Variants in SMG5 observed in about 807,000 individuals in gnomAD.
The protein encoded by SMG5 is SMG5 nonsense mediated mRNA decay factor, also known as nonsense-mediated mRNA decay factor SMG5.
In SMG5, 53 loss-of-function variants were observed where a neutral mutation model predicts 122.9. The ratio of observed to expected loss-of-function variants is 0.43; its 90% CI spans 0.35 to 0.54. The LOEUF (loss-of-function observed/expected upper bound fraction) is 0.54, where lower values mean the gene tolerates loss of function less well. SMG5 is among the 20% of genes least tolerant of loss of function. The probability of loss-of-function intolerance (pLI) is 0.01; values close to 1 mark genes in which losing one functional copy is unlikely to be tolerated. For synonymous variants in SMG5, 477 were observed against 490.2 expected (o/e 0.97, Z 0.35); for missense variants, 1,153 against 1,285.6 (o/e 0.90, Z 1.58).
Position 156,263,425 on chromosome 1 carries a change from G to A in SMG5, c.2001C>T (p.Thr667=), listed in dbSNP as rs1343559606. 5.0e-6 allele frequency: 8 copies of A among 1,614,062 alleles called. No individual in the cohort carries two copies. The South Asian group carries it at 7.7e-5, about 16-fold the overall frequency. ...CACACACGATGATGAGGTCGGGGTT[G>A]GTCCGAAGCCAGTCCAGGAAGACTT... ...AVKVFLDWLR[T]NPDLIIVCAQ... Residue 667 remains threonine (T), a synonymous_variant, in exon 13 of 22, where the codon ACC becomes ACT. Coordinates refer to ENST00000361813, the MANE Select transcript of SMG5 (RefSeq NM_015327.3).
upstream of SMG5, chr1:156,286,603 G>A: frequency 1.1e-6 from 1 of 886,588 alleles, no homozygotes; most frequent in Non-Finnish European, 1.7e-6. Flanking sequence ...GCCCTGGGGA[G>A]ATAAGTCCAC....
At chr1:156,254,567 C>G (rs1024266998) in intron 16 of SMG5, among the ~76,000 whole-genome samples, 2 of 152,164 alleles carry the variant, frequency 1.3e-5, no homozygotes, top group East Asian at 1.9e-4. Flanking sequence ...CCTCAGCCCC[C>G]CAACTAGCTG....
At position 156,267,683 on chromosome 1, in the gene SMG5, A is replaced by G. The variant is rs1479195291; in HGVS notation, c.909-5T>C. The G allele has an allele frequency of 6.2e-7, 1 of 1,604,630 alleles. No individual in the cohort carries two copies. The highest frequency in any genetic ancestry group is 8.5e-7 in the Non-Finnish European group (1 of 1,175,926). On this transcript the variant is annotated splice_polypyrimidine_tract_variant and splice_region_variant and intron_variant, in intron 9 of 21. Coordinates refer to ENST00000361813, the MANE Select transcript of SMG5 (RefSeq NM_015327.3). Reference sequence around the variant, plus strand: ...GTCAGCTCTGAGTCCACGGAGCTACAGAGGGGCAGGAGTAACAGGGGAGGT... The same window carrying G: ...GTCAGCTCTGAGTCCACGGAGCTACGGAGGGGCAGGAGTAACAGGGGAGGT...
chr1:156,286,450 C>T, upstream of SMG5: 10 of 1,614,192 alleles, frequency 6.2e-6, no homozygotes, highest in Non-Finnish European at 8.5e-6. Context: ...TCCCTCTGCT[C>T]ACTGGTCTCT....
In SMG5 at chr1:156,277,949, G is replaced by C; in HGVS notation, c.273C>G (p.Ile91Met). The C allele has an allele frequency of 6.2e-7, 1 of 1,614,020 alleles. No homozygotes were observed. The highest frequency in any genetic ancestry group is 8.5e-7 in the Non-Finnish European group (1 of 1,179,964). ...LLWRKVYYEV[I>M]QLIKTNKKHI... ...CCTTTTTGTTAGTCTTGATAAGCTG[G>C]ATAACTTCATAGTATACCTTTCTCC... Residue 91 changes from isoleucine (I) to methionine (M), a missense_variant, in exon 3 of 22, where the codon ATC becomes ATG. Around this residue, in one of 5 missense-constraint regions of SMG5, gnomAD observed 213 missense variants for 197.5 expected, o/e 1.08. Coordinates refer to ENST00000361813, the MANE Select transcript of SMG5 (RefSeq NM_015327.3).
intron 3 of SMG5, 114 bp from the exon 4 acceptor site, chr1:156,277,355 A>C: frequency 2.8e-5 from 33 of 1,180,022 alleles, no homozygotes; most frequent in Non-Finnish European, 3.4e-5. Flanking sequence ...ATCTACTCTC[A>C]CTCACAAGTT....
At chr1:156,284,232 G>A (rs1400185551), upstream of SMG5, 2 of 152,342 alleles carry the variant, frequency 1.3e-5, no homozygotes, top group Admixed American at 6.5e-5. Flanking sequence ...GATTCAGCAG[G>A]GCGGGGCCTG....
At chr1:156,285,340 G>C (rs1200605778), upstream of SMG5, 2 of 1,572,150 alleles carry the variant, frequency 1.3e-6, no homozygotes, top group African/African-American at 1.4e-5. Flanking sequence ...GGGAAGGTGG[G>C]GCCGAATCCC....
intron 2 of SMG5, among the ~76,000 whole-genome samples, chr1:156,278,676 A>G (rs1377570288): frequency 6.6e-6 from 1 of 152,070 alleles, no homozygotes; most frequent in Non-Finnish European, 1.5e-5. Context: ...CTCGAATGCC[A>G]TTCTTTTTAT....
intron 7 of SMG5, among the ~76,000 whole-genome samples, chr1:156,271,566 GTTTTTTTTTTTTTTTT>G (rs755111375): frequency 1.2e-5 from 1 of 82,286 alleles, no homozygotes; most frequent in Non-Finnish European, 2.2e-5. Context: ...CCCTGAAGAG[GTTTTTTTTTTTTTTTT>G]TTTTTTTTTG....
rs1662132871 is a variant in SMG5, at chr1:156,266,273, G to A, written c.1363C>T (p.Arg455Cys). 3 of 1,614,206 alleles carry A rather than the reference G, an allele frequency of 1.9e-6. No individual in the cohort carries two copies. The highest frequency in any genetic ancestry group is 1.1e-5 in the South Asian group (1 of 91,086). The change falls in exon 12 of 22, where the codon CGC becomes TGC. Residue 455 changes from arginine (R) to cysteine (C), a missense_variant. Arg to Cys is a radical substitution (Grantham distance 180). Around this residue, in one of 5 missense-constraint regions of SMG5, gnomAD observed 631 missense variants for 650.6 expected, o/e 0.97. Transcript: ENST00000361813. The stretch of plus-strand genomic sequence containing the variant: ...CGGCGACGGCGGAGACAGGAGAGGC[G>A]AGAGAACTTACGGCTCTTTCTGCCC... ...GEGRKSRKFS[R>C]LSCLRRRRHP...
intron 16 of SMG5, among the ~76,000 whole-genome samples, chr1:156,256,433 G>T (rs1235749124): frequency 6.6e-6 from 1 of 151,572 alleles, no homozygotes; most frequent in African/African-American, 2.4e-5. Context: ...GGCCCTGTGG[G>T]CAAACTGGTA....
intron 7 of SMG5, among the ~76,000 whole-genome samples, chr1:156,269,050 A>C (rs1662283834): frequency 6.6e-6 from 1 of 151,662 alleles, no homozygotes; most frequent in Non-Finnish European, 1.5e-5. Context: ...AGCTCACTGC[A>C]ACATCCGCCT....
intron 1 of SMG5, among the ~76,000 whole-genome samples, chr1:156,281,411 G>A (rs1305930575): frequency 6.6e-6 from 1 of 152,208 alleles, no homozygotes; most frequent in East Asian, 1.9e-4. Flanking sequence ...AGCATGATAA[G>A]GCACACGTGC....
chr1:156,259,540 A>AT (rs36033266), intron 15 of SMG5, among the ~76,000 whole-genome samples: 1 of 151,952 alleles, frequency 6.6e-6, no homozygotes, highest in East Asian at 1.9e-4. Context: ...CCAATGTATT[A>AT]TTTTTTTGAG....
chr1:156,270,936 G>A (rs994602800), intron 7 of SMG5, among the ~76,000 whole-genome samples: 1 of 152,058 alleles, frequency 6.6e-6, no homozygotes, highest in Non-Finnish European at 1.5e-5. Context: ...GAACCCGGGA[G>A]GCGGAGGTTG....
upstream of SMG5, among the ~76,000 whole-genome samples, chr1:156,283,347 ATATC>A (rs951206571): frequency 3.9e-5 from 6 of 152,234 alleles, no homozygotes; most frequent in Non-Finnish European, 7.3e-5. Context: ...TCCAGCTTGC[ATATC>A]TATCTCTTAC....
intron 16 of SMG5, among the ~76,000 whole-genome samples, chr1:156,256,084 G>A (rs1241950960): frequency 6.6e-6 from 1 of 152,166 alleles, no homozygotes; most frequent in East Asian, 1.9e-4. Context: ...CAAACATACT[G>A]TGGGTCCTGG....
intron 1 of SMG5, among the ~76,000 whole-genome samples, chr1:156,281,163 A>C (rs140663666): frequency 1.9e-4 from 29 of 152,350 alleles, no homozygotes; most frequent in African/African-American, 5.5e-4. Flanking sequence ...TGGCTGCCTC[A>C]AATTTCTACC....
Sources: allele counts gnomAD v4.1 joint callset (sites outside exome capture counted in the v4.1 genomes callset), GRCh38; gene constraint gnomAD v4.1.1; regional missense constraint gnomAD v4.1.1; transcripts MANE v1.5; gene names NCBI Gene and HGNC (gene_info 2026-07-23, HGNC 2026-07-21).